RERE: variants seen among roughly 807,000 people sequenced by gnomAD.
The protein encoded by RERE is arginine-glutamic acid dipeptide repeats.
In RERE, 40 loss-of-function variants were observed where a neutral mutation model predicts 146.1. The observed-to-expected ratio is 0.27, with a 90% CI of 0.21 to 0.36. The LOEUF (loss-of-function observed/expected upper bound fraction) is 0.36. RERE is among the 10% of genes least tolerant of loss of function. The pLI, the probability that RERE is intolerant of heterozygous loss-of-function variation, is 1.00. For synonymous variants in RERE, 1,003 were observed against 866.0 expected (o/e 1.16, Z -2.78); for missense variants, 1,933 against 2,138.7 (o/e 0.90, Z 1.90).
intron 7 of RERE, among the ~76,000 whole-genome samples, chr1:8,516,682 G>A (rs1645424346): frequency 6.6e-6 from 1 of 152,116 alleles, no homozygotes; most frequent in African/African-American, 2.4e-5. Context: ...CCATATGGCA[G>A]AATGATTAAG....
rs139299521 is a variant in RERE at position 8,364,762 on chromosome 1, G to A, written c.1524C>T (p.Arg508=). ...SEQELKGYAC[R]HCFTTTSKDW... Reference sequence around the variant, plus strand: ...GCCACTTACTGGTGGTGAAGCAGTGGCGGCAGGCGTACCCCTTCAGCTCCT... The same window carrying A: ...GCCACTTACTGGTGGTGAAGCAGTGACGGCAGGCGTACCCCTTCAGCTCCT... The change falls in exon 14 of 23, where the codon CGC becomes CGT. Residue 508 remains arginine (R), a synonymous_variant. Coordinates refer to ENST00000400908, the MANE Select transcript of RERE (RefSeq NM_001042681.2). This position sits in a 1 kb window ranked among gnomAD's most constrained non-coding sequence, Gnocchi z 5.1. The A allele has an allele frequency of 5.7e-4, 921 of 1,613,804 alleles. 6 individuals carry two copies. The African/African-American group carries it at 0.011, about 20-fold the overall frequency.
At position 8,405,922 on chromosome 1, in the gene RERE, A is replaced by C. The variant is rs573704648; in HGVS notation, c.1284+16805T>G. 1.5e-3 allele frequency among the ~76,000 whole-genome samples: 236 copies of C among 152,312 alleles called. 4 individuals are homozygous for C. Among genetic ancestry groups the C allele is most frequent in the Admixed American group, 0.014 (214 of 15,298 alleles). ...AGTGCTGGGATTACAGGTGTGAGCC[A>C]CCGCAGCCGGCCTGATTTTAATTTT... On this transcript the variant is annotated intron_variant, in intron 12 of 22. Transcript: ENST00000400908.
At chr1:8,679,843 G>A (rs1006116538) in intron 1 of RERE, among the ~76,000 whole-genome samples, 1 of 152,142 alleles carries the variant, frequency 6.6e-6, no homozygotes, top group African/African-American at 2.4e-5. Flanking sequence ...ATCTCCAAGC[G>A]CTCCCTGAGA....
chr1:8,501,409 G>A (rs1205823422), intron 8 of RERE, among the ~76,000 whole-genome samples: 4 of 69,506 alleles, frequency 5.8e-5, no homozygotes, highest in African/African-American at 2.9e-4. Context: ...CCGGCCAGCC[G>A]CCCCGTCCGG....
chr1:8,398,119 G>A (rs544239449), intron 12 of RERE, among the ~76,000 whole-genome samples: 2 of 152,332 alleles, frequency 1.3e-5, no homozygotes, highest in Admixed American at 1.3e-4. Context: ...AAAGATTAAT[G>A]AAGGAAATTA....
intron 1 of RERE, among the ~76,000 whole-genome samples, chr1:8,768,192 G>A (rs1569752868): frequency 1.3e-5 from 2 of 152,038 alleles, no homozygotes; most frequent in Admixed American, 6.6e-5. Context: ...TAAAAAGAAC[G>A]TGTTTCTGGA....
chr1:8,704,290 T>C (rs1405424939), intron 1 of RERE, among the ~76,000 whole-genome samples: 7 of 152,240 alleles, frequency 4.6e-5, no homozygotes, highest in South Asian at 2.1e-4. Flanking sequence ...CAAGATCATT[T>C]TGTCCTCCCA....
chr1:8,792,107 A>AG (rs113338254), intron 1 of RERE, among the ~76,000 whole-genome samples: 3 of 152,136 alleles, frequency 2.0e-5, no homozygotes, highest in Non-Finnish European at 4.4e-5. Flanking sequence ...AAAAAAAAAA[A>AG]GAAAACAAAA....
In RERE at chr1:8,552,454, T is replaced by C. The variant is rs1645947704; in HGVS notation, c.725+4021A>G. Among the ~76,000 whole-genome samples, 7 of 152,200 alleles carry C rather than the reference T, an allele frequency of 4.6e-5. No homozygotes were observed. The South Asian group carries it at 1.4e-3, about 32-fold the overall frequency. The stretch of plus-strand genomic sequence containing the variant: ...GTTCCCCATGGTTTTTTTCATTACA[T>C]TTGTTTGATCCCTTTTCATGTGCCC... On this transcript the variant is annotated intron_variant, in intron 6 of 22. Transcript: ENST00000400908.
chr1:8,502,524 C>G (rs1352983192), intron 8 of RERE, among the ~76,000 whole-genome samples: 1 of 134,054 alleles, frequency 7.5e-6, no homozygotes, highest in African/African-American at 3.0e-5. Context: ...GCGCTTCTGC[C>G]CGGCCGCCCC....
rs144237927 is a variant in RERE, at chr1:8,531,589, T to C, written c.830+9625A>G. Among the ~76,000 whole-genome samples the C allele has an allele frequency of 8.0e-3, 1,219 of 152,338 alleles. 13 individuals are homozygous for C. The highest frequency in any genetic ancestry group is 0.028 in the African/African-American group (1,165 of 41,552). ...TCATTTCCAACCCTCACATATTTTCTTCTTCAAGTCTTAATGGATATTGAA... is the reference window on the plus strand; with the variant it reads ...TCATTTCCAACCCTCACATATTTTCCTCTTCAAGTCTTAATGGATATTGAA... On this transcript the variant is annotated intron_variant, in intron 7 of 22. Transcript: ENST00000400908.
intron 2 of RERE, among the ~76,000 whole-genome samples, chr1:8,638,782 A>ATTTTTTTTTTT (rs1557450012): frequency 7.4e-6 from 1 of 134,362 alleles, no homozygotes; most frequent in African/African-American, 3.0e-5. Context: ...GACGAAAAAA[A>ATTTTTTTTTTT]ATTTTTTTTT....
chr1:8,441,972 A>G (rs1644255860), intron 11 of RERE, among the ~76,000 whole-genome samples: 3 of 138,546 alleles, frequency 2.2e-5, no homozygotes, highest in African/African-American at 5.0e-5. Flanking sequence ...CTAAAGGTCA[A>G]TCGGACACTG....
intron 1 of RERE, among the ~76,000 whole-genome samples, chr1:8,672,150 G>T (rs947641604): frequency 6.6e-6 from 1 of 151,978 alleles, no homozygotes; most frequent in African/African-American, 2.4e-5. Context: ...AAGAAAAAAA[G>T]AATAATCTCA....
At chr1:8,812,191 G>A (rs1048645436) in intron 1 of RERE, among the ~76,000 whole-genome samples, 4 of 152,146 alleles carry the variant, frequency 2.6e-5, no homozygotes, top group African/African-American at 4.8e-5. Context: ...CCATGGCTTC[G>A]ACTTCTGATG....
intron 7 of RERE, among the ~76,000 whole-genome samples, chr1:8,527,630 C>T (rs1261301082): frequency 6.6e-6 from 1 of 152,154 alleles, no homozygotes; most frequent in African/African-American, 2.4e-5. Context: ...TCATTAGATG[C>T]CCTGAGTTAC....
At chr1:8,559,476 C>A (rs773628895) in intron 4 of RERE, among the ~76,000 whole-genome samples, 1 of 151,786 alleles carries the variant, frequency 6.6e-6, no homozygotes, top group Non-Finnish European at 1.5e-5. Context: ...AATATTTATG[C>A]ATTTTATGCC....
intron 1 of RERE, among the ~76,000 whole-genome samples, chr1:8,660,225 CTA>C (rs1638423428): frequency 1.3e-5 from 2 of 152,044 alleles, no homozygotes; most frequent in Admixed American, 1.3e-4. Flanking sequence ...TTTTTTTCCT[CTA>C]TGTTTAGCAT....
intron 4 of RERE, among the ~76,000 whole-genome samples, chr1:8,588,819 T>C (rs6665530): frequency 0.021 from 3,154 of 152,268 alleles, 107 homozygotes; most frequent in African/African-American, 0.073. Flanking sequence ...CCTTAAAACA[T>C]GGCTTAAGAA....
Sources: gnomAD v4.1 joint callset for allele counts (sites outside exome capture counted in the v4.1 genomes callset) on GRCh38, gnomAD v4.1.1 for gene constraint, Gnocchi (gnomAD v3.1) non-coding constraint, MANE v1.5 for transcripts, NCBI Gene and HGNC (gene_info 2026-07-23, HGNC 2026-07-21) for gene names.